PCDHA1: variants seen among roughly 807,000 people sequenced by gnomAD.
PCDHA1 encodes protocadherin alpha 1, also known as protocadherin alpha-1.
A neutral mutation model predicts 61.3 loss-of-function variants in PCDHA1; 42 were observed. That is an observed-to-expected ratio of 0.69 (90% CI 0.54 to 0.89). PCDHA1 has a LOEUF of 0.89. Among genes scored for constraint, PCDHA1 ranks in the 40% least tolerant of loss-of-function variants. The pLI is 0.00. For missense variants in PCDHA1, 1,256 were observed against 1,235.3 expected, an observed-to-expected ratio of 1.02 and a Z score of -0.25; for synonymous variants, 610 against 553.8, an observed-to-expected ratio of 1.10 and a Z score of -1.43.
chr5:140,960,588 T>A (rs2095557494), intron 1 of PCDHA1, among the ~76,000 whole-genome samples: 1 of 152,166 alleles, frequency 6.6e-6, no homozygotes, highest in African/African-American at 2.4e-5. Flanking sequence ...ACAGTTCAAA[T>A]TCAAGGTACT....
chr5:140,952,072 A>G (rs1433517410), intron 1 of PCDHA1, among the ~76,000 whole-genome samples: 1 of 152,112 alleles, frequency 6.6e-6, no homozygotes, highest in Non-Finnish European at 1.5e-5. Context: ...AATAATCTTC[A>G]TTGACTCCAT....
At chr5:140,850,541 G>A (rs1554144490) in intron 1 of PCDHA1, 2 of 1,598,272 alleles carry the variant, frequency 1.3e-6, no homozygotes, top group Non-Finnish European at 1.7e-6. Flanking sequence ...CGTCGCGGGC[G>A]TCAGTGGGTG....
In PCDHA1 at chr5:140,801,677, A is replaced by C. The variant is rs1244967263; in HGVS notation, c.2394+12993A>C. On this transcript the variant is annotated intron_variant, in intron 1 of 3. Coordinates refer to ENST00000504120, the MANE Select transcript of PCDHA1 (RefSeq NM_018900.4). ...TTTCGCTAGAGGGCGCATCAGATGC[A>C]GATATCGGAACAAATTCGTTGTTGA... 4.3e-6 allele frequency: 7 copies of C among 1,614,108 alleles called. No homozygotes were observed. In the African/African-American group the frequency reaches 6.7e-5, roughly 15 times the overall value.
intron 1 of PCDHA1, among the ~76,000 whole-genome samples, chr5:140,969,881 G>A (rs1554232131): frequency 6.6e-6 from 1 of 152,196 alleles, no homozygotes; most frequent in African/African-American, 2.4e-5. Context: ...CTATGTGATA[G>A]GATCCTCTGG....
chr5:140,858,243 C>G (rs781796341), intron 1 of PCDHA1: 1 of 1,595,896 alleles, frequency 6.3e-7, no homozygotes, highest in Non-Finnish European at 8.6e-7. Flanking sequence ...GCATGTGGGC[C>G]GGTGAAGCCC....
intron 1 of PCDHA1, chr5:140,809,089 G>C: frequency 6.2e-7 from 1 of 1,613,934 alleles, no homozygotes; most frequent in Non-Finnish European, 8.5e-7. Flanking sequence ...TCAGCACAAC[G>C]CGTGCCCTGG....
chr5:140,807,430 T>C (rs1554124007), intron 1 of PCDHA1: 3 of 1,597,568 alleles, frequency 1.9e-6, no homozygotes, highest in Non-Finnish European at 2.6e-6. Context: ...ATCTGCAGAA[T>C]GGCATTTTGT....
At chr5:140,817,454 C>A (rs1450053656) in intron 1 of PCDHA1, 1 of 152,226 alleles carries the variant, frequency 6.6e-6, no homozygotes, top group Non-Finnish European at 1.5e-5. Flanking sequence ...ATAACAGCAT[C>A]TTGCTGATGT....
intron 3 of PCDHA1, among the ~76,000 whole-genome samples, chr5:141,004,953 G>A (rs1409171628): frequency 7.2e-5 from 11 of 152,166 alleles, no homozygotes; most frequent in African/African-American, 2.4e-4. Context: ...ACCCTCTCTC[G>A]TCACTGCCTG....
At chr5:140,840,784 A>G (rs1776867902) in intron 1 of PCDHA1, among the ~76,000 whole-genome samples, 1 of 152,094 alleles carries the variant, frequency 6.6e-6, no homozygotes, top group East Asian at 1.9e-4. Context: ...TTAGAATTAT[A>G]TGCTCACCTC....
intron 1 of PCDHA1, among the ~76,000 whole-genome samples, chr5:140,844,982 A>T (rs2150375491): frequency 6.7e-6 from 1 of 149,170 alleles, no homozygotes; most frequent in East Asian, 1.9e-4. Context: ...TATTGTTTTA[A>T]ATCTTTTAAT....
intron 1 of PCDHA1, chr5:140,835,572 T>C (rs782594410): frequency 7.4e-6 from 12 of 1,613,768 alleles, no homozygotes; most frequent in South Asian, 2.2e-5. Flanking sequence ...TCCCTTCAAG[T>C]TGGTGTCCAC....
At chr5:140,871,624 A>C in intron 1 of PCDHA1, 2 of 1,409,596 alleles carry the variant, frequency 1.4e-6, no homozygotes, top group Non-Finnish European at 9.4e-7. Context: ...TTTAGATAAC[A>C]ATGTCTGTTC....
intron 1 of PCDHA1, chr5:140,966,610 C>A: frequency 1.4e-6 from 1 of 715,490 alleles, no homozygotes; most frequent in Non-Finnish European, 2.1e-6. Context: ...CTTGGGAGGG[C>A]CTACGGAGGG....
At chr5:140,929,096 C>T (rs113293568) in intron 1 of PCDHA1, 45,094 of 1,614,150 alleles carry the variant, frequency 0.028, 813 homozygotes, top group Non-Finnish European at 0.033. Context: ...GTTTCAAATC[C>T]TTGCATGACA....
intron 1 of PCDHA1, chr5:140,822,447 A>T: frequency 6.2e-7 from 1 of 1,613,894 alleles, no homozygotes; most frequent in Non-Finnish European, 8.5e-7. Flanking sequence ...TAACAGGTAC[A>T]GTTCAGTTGT....
chr5:140,932,421 G>T (rs530079640), intron 1 of PCDHA1, among the ~76,000 whole-genome samples: 1 of 151,878 alleles, frequency 6.6e-6, no homozygotes, highest in Non-Finnish European at 1.5e-5. Context: ...TTAGTGTATT[G>T]TTCACCTGGA....
intron 1 of PCDHA1, chr5:140,869,665 C>G: frequency 6.2e-7 from 1 of 1,613,338 alleles, no homozygotes; most frequent in Non-Finnish European, 8.5e-7. Flanking sequence ...AAATGGTAAG[C>G]AGATTAAAAG....
chr5:140,941,211 CTTCCTTTCTTTCTTT>C (rs1563185551), intron 1 of PCDHA1, among the ~76,000 whole-genome samples: 1,583 of 129,706 alleles, frequency 0.012, 22 homozygotes, highest in African/African-American at 0.029. Flanking sequence ...TCCTTTCTTT[CTTCCTTTCTTTCTTT>C]CTTTCTTTCT....
Sources: gnomAD v4.1 joint callset for allele counts (sites outside exome capture counted in the v4.1 genomes callset) on GRCh38, gnomAD v4.1.1 for gene constraint, MANE v1.5 for transcripts, NCBI Gene and HGNC (gene_info 2026-07-23, HGNC 2026-07-21) for gene names.